Variants in OGT observed in about 807,000 individuals in gnomAD.
The protein encoded by OGT is UDP-N-acetylglucosamine--peptide N-acetylglucosaminyltransferase 110 kDa subunit.
A neutral mutation model predicts 75.8 loss-of-function variants in OGT; 3 were observed. The observed-to-expected ratio is 0.04, with a 90% CI of 0.02 to 0.10. The LOEUF is 0.10. Among genes scored for constraint, OGT ranks in the 10% least tolerant of loss-of-function variants. OGT has a pLI of 1.00. For missense variants in OGT, 260 were observed against 824.4 expected (o/e 0.32, Z 8.38); for synonymous variants, 257 against 289.7 (o/e 0.89, Z 1.15).
At chrX:71,571,331 G>A (rs2040456827) in intron 21 of OGT, among the ~76,000 whole-genome samples, 1 of 111,854 alleles carries the variant, frequency 8.9e-6, no homozygotes, top group Admixed American at 9.5e-5. Flanking sequence ...GACACATTTT[G>A]AAATAAATTG....
chrX:71,552,369 A>T (rs2040311518), intron 5 of OGT, among the ~76,000 whole-genome samples: 1 of 109,863 alleles, frequency 9.1e-6, no homozygotes, highest in Admixed American at 1.0e-4. Context: ...GTTAATGAGA[A>T]ATTGGAGCAC....
chrX:71,536,039 G>T (rs1191845165), intron 1 of OGT, 139 bp from the exon 2 acceptor site: 1 of 454,480 alleles, frequency 2.2e-6, no homozygotes, highest in Non-Finnish European at 3.6e-6. Flanking sequence ...ATAACGTGCA[G>T]AACACTCTAG....
intron 14 of OGT, among the ~76,000 whole-genome samples, chrX:71,560,108 G>C (rs774870683): frequency 1.1e-4 from 12 of 108,882 alleles, no homozygotes; most frequent in African/African-American, 4.0e-4. Context: ...GTGAAACCCC[G>C]TCTCTACTAA....
Position 71,536,210 on chromosome X carries a change from T to C in OGT, c.70T>C (p.Leu24=). The change falls in exon 2 of 22, where the codon TTA becomes CTA. Residue 24 remains leucine (L), a synonymous_variant. Transcript: ENST00000373719. The stretch of plus-strand genomic sequence containing the variant: ...GAAACGTATGCTTTCCTTCCAAGGG[T>C]TAGCTGAGTTGGCACATCGAGAATA... ...PTKRMLSFQG[L]AELAHREYQA... 8.3e-7 allele frequency: 1 copy of C among 1,208,778 alleles called. No homozygotes were observed. Among genetic ancestry groups the C allele is most frequent in the Non-Finnish European group, 1.1e-6 (1 of 894,200 alleles).
intron 18 of OGT, 72 bp downstream of exon 18, chrX:71,563,571 T>G: frequency 1.2e-6 from 1 of 837,733 alleles, no homozygotes; most frequent in Admixed American, 3.2e-5. Context: ...TCATGATAAC[T>G]CTAGGAGGCA....
intron 5 of OGT, among the ~76,000 whole-genome samples, chrX:71,552,058 G>GA (rs1218877356): frequency 5.6e-4 from 57 of 101,784 alleles, no homozygotes; most frequent in African/African-American, 1.3e-3. Flanking sequence ...AAATACAAAA[G>GA]AAAAAAAAAA....
chrX:71,541,742 A>G (rs1161357641), intron 3 of OGT, among the ~76,000 whole-genome samples: 3 of 109,437 alleles, frequency 2.7e-5, no homozygotes, highest in Non-Finnish European at 5.7e-5. Flanking sequence ...TTGAGAGGCA[A>G]TTGAGAATTA....
Position 71,557,496 on chromosome X carries a change from G to A in OGT, c.1426G>A (p.Val476Ile). The A allele has an allele frequency of 4.2e-6, 5 of 1,203,761 alleles. No homozygotes were observed. The highest frequency in any genetic ancestry group is 5.6e-6 in the Non-Finnish European group (5 of 892,658). Residue 476 changes from valine (V) to isoleucine (I), a missense_variant, in exon 12 of 22, where the codon GTC (valine) becomes ATC (isoleucine). Physicochemically the swap from Val to Ile is conservative, Grantham distance 29. This residue lies in a region of OGT where 99 missense variants were observed against 417.9 expected (regional missense o/e 0.24). Transcript: ENST00000373719. ...YCNLAHCLQI[V>I]CDWTDYDERM... ...AACTTGTTTTTGCTTTCTCTAGATT[G>A]TCTGTGATTGGACAGACTATGATGA... is the stretch of plus-strand genomic sequence containing the variant.
At chrX:71,555,488 G>A (rs894384135) in intron 7 of OGT, 103 bp downstream of exon 7, 14 of 720,287 alleles carry the variant, frequency 1.9e-5, no homozygotes, top group Non-Finnish European at 2.4e-5. Flanking sequence ...TCGGGAGGCC[G>A]AGATCAGAGG....
At chrX:71,542,330 G>C (rs1416884817) in intron 3 of OGT, among the ~76,000 whole-genome samples, 4 of 111,779 alleles carry the variant, frequency 3.6e-5, no homozygotes, top group African/African-American at 1.3e-4. Flanking sequence ...CATGCACATA[G>C]GTTTGGATCC....
intron 2 of OGT, among the ~76,000 whole-genome samples, chrX:71,537,296 G>A (rs929085903): frequency 1.8e-5 from 2 of 108,479 alleles, no homozygotes; most frequent in African/African-American, 6.7e-5. Context: ...CAAGACTCTA[G>A]TTAGAATTTT....
chrX:71,568,602 C>T (rs1454198343), intron 21 of OGT, among the ~76,000 whole-genome samples: 2 of 110,734 alleles, frequency 1.8e-5, no homozygotes, highest in African/African-American at 3.3e-5. Context: ...CTTAGGCGGG[C>T]GGATCACTTG....
At chrX:71,539,333 T>C (rs139594075) in intron 3 of OGT, among the ~76,000 whole-genome samples, 4,573 of 112,414 alleles carry the variant, frequency 0.041, 238 homozygotes, top group African/African-American at 0.14. Flanking sequence ...AAACGTGTCC[T>C]TTTTAGAAAA....
chrX:71,550,334 T>C, intron 5 of OGT, among the ~76,000 whole-genome samples: 1 of 112,548 alleles, frequency 8.9e-6, no homozygotes, highest in Non-Finnish European at 1.9e-5. Flanking sequence ...TGATTAGTGA[T>C]GTTGAGCATA....
At chrX:71,568,859 CAAA>C (rs768501498) in intron 21 of OGT, among the ~76,000 whole-genome samples, 2 of 99,950 alleles carry the variant, frequency 2.0e-5, no homozygotes, top group African/African-American at 7.5e-5. Flanking sequence ...AACAAACAAA[CAAA>C]AAAAAAACCA....
rs146270425 is a variant in OGT at position 71,550,606 on chromosome X, G to A, written c.648+2583G>A. Among the ~76,000 whole-genome samples, 133 of 111,656 alleles carry A rather than the reference G, an allele frequency of 1.2e-3. 1 individual carries two copies. Among genetic ancestry groups the A allele is most frequent in the Non-Finnish European group, 2.3e-3 (122 of 53,130 alleles). On this transcript the variant is annotated intron_variant, in intron 5 of 21. Transcript: ENST00000373719. ...ATCCTTTGCCCGTATTTTAATGGGC[G>A]TATTTGCTACTGAGTTGAGCTTCTT... is the stretch of plus-strand genomic sequence containing the variant.
At chrX:71,547,836 T>C (rs1569425948) in intron 4 of OGT, 71 bp from the exon 5 acceptor site, 3 of 1,132,778 alleles carry the variant, frequency 2.6e-6, no homozygotes, top group Admixed American at 2.7e-5. Flanking sequence ...CTTTTTTTTT[T>C]CCCTTTACAA....
At chrX:71,570,796 T>A (rs1183105473) in intron 21 of OGT, among the ~76,000 whole-genome samples, 2 of 109,749 alleles carry the variant, frequency 1.8e-5, no homozygotes, top group Admixed American at 2.0e-4. Flanking sequence ...GTAAAAAATG[T>A]AGTGCGTTTT....
rs2040192433 is a variant in OGT, at chrX:71,538,092, T to G, written c.462+20T>G. ...AATCCTGTGAGTAAAATTTTAATGG[T>G]TACTTTCCCTTCCTAGAAACCCAGA... On this transcript the variant is annotated intron_variant, in intron 3 of 21. Coordinates refer to ENST00000373719, the MANE Select transcript of OGT (RefSeq NM_181672.3). The G allele has an allele frequency of 8.4e-7, 1 of 1,195,861 alleles. No individual in the cohort carries two copies. The highest frequency in any genetic ancestry group is 3.0e-5 in the East Asian group (1 of 33,588).
Sources: allele counts gnomAD v4.1 joint callset (sites outside exome capture counted in the v4.1 genomes callset), GRCh38; gene constraint gnomAD v4.1.1; regional missense constraint gnomAD v4.1.1; transcripts MANE v1.5; gene names NCBI Gene and HGNC (gene_info 2026-07-23, HGNC 2026-07-21).